Variants in KLHL32 observed in about 807,000 individuals in gnomAD.
KLHL32 encodes the protein kelch like family member 32.
A neutral mutation model predicts 64.8 loss-of-function variants in KLHL32; 35 were observed. The ratio of observed to expected loss-of-function variants is 0.54; its 90% CI spans 0.41 to 0.72. The LOEUF (loss-of-function observed/expected upper bound fraction) is 0.72. KLHL32 is among the 30% of genes least tolerant of loss of function. The pLI, the probability that KLHL32 is intolerant of heterozygous loss-of-function variation, is 0.00. For synonymous variants in KLHL32, 259 were observed against 281.0 expected (o/e 0.92, Z 0.78); for missense variants, 589 against 768.5 (o/e 0.77, Z 2.76).
intron 4 of KLHL32, among the ~76,000 whole-genome samples, chr6:97,060,531 G>GA (rs1434613483): frequency 2.0e-5 from 3 of 152,142 alleles, no homozygotes; most frequent in Non-Finnish European, 4.4e-5. Flanking sequence ...GCTCTATACA[G>GA]AATCTCACCT....
chr6:96,917,463 C>A, the KLHL32 span, among the ~76,000 whole-genome samples: 1 of 152,170 alleles, frequency 6.6e-6, no homozygotes, highest in Non-Finnish European at 1.5e-5. Context: ...GAGGTCCATG[C>A]CCCAATCTGT....
chr6:97,111,456 C>A (rs566690106), intron 6 of KLHL32, among the ~76,000 whole-genome samples: 1 of 152,302 alleles, frequency 6.6e-6, no homozygotes, highest in Admixed American at 6.5e-5. Flanking sequence ...GTAAACTTCA[C>A]TCACTCGAAC....
intron 6 of KLHL32, among the ~76,000 whole-genome samples, chr6:97,088,393 A>G (rs182397078): frequency 2.0e-5 from 3 of 152,276 alleles, no homozygotes; most frequent in Non-Finnish European, 4.4e-5. Flanking sequence ...GACCTGGCAA[A>G]TCTCTATCTG....
At chr6:96,952,960 CCAAT>C (rs1772812381) in intron 1 of KLHL32, among the ~76,000 whole-genome samples, 1 of 152,150 alleles carries the variant, frequency 6.6e-6, no homozygotes, top group Non-Finnish European at 1.5e-5. Flanking sequence ...GAGTTCATCC[CCAAT>C]CAATCAGCAG....
intron 3 of KLHL32, among the ~76,000 whole-genome samples, chr6:96,987,160 G>C (rs575137582): frequency 6.6e-6 from 1 of 152,196 alleles, no homozygotes; most frequent in East Asian, 1.9e-4. Flanking sequence ...CAAAAAACCA[G>C]CTCCTGGATT....
intron 1 of KLHL32, among the ~76,000 whole-genome samples, chr6:96,930,208 G>C (rs966248871): frequency 3.3e-5 from 5 of 152,138 alleles, no homozygotes; most frequent in African/African-American, 9.7e-5. Context: ...GAGGCATTTT[G>C]CAATTTTTTA....
chr6:96,926,744 A>C (rs1451381492), intron 1 of KLHL32, among the ~76,000 whole-genome samples: 1 of 152,040 alleles, frequency 6.6e-6, no homozygotes, highest in East Asian at 1.9e-4. Context: ...GGCAGCTCCC[A>C]CTCCACTGTA....
At chr6:97,031,949 T>TTA (rs55884935) in intron 3 of KLHL32, among the ~76,000 whole-genome samples, 26,615 of 152,078 alleles carry the variant, frequency 0.18, 2,754 homozygotes, top group African/African-American at 0.3. Context: ...AGTTTCTATA[T>TTA]AACATTTACT....
chr6:97,098,034 AAGAC>A (rs1216940011), intron 6 of KLHL32, among the ~76,000 whole-genome samples: 3 of 152,204 alleles, frequency 2.0e-5, no homozygotes, highest in African/African-American at 7.2e-5. Flanking sequence ...TTGAGGAAGG[AAGAC>A]AGAGATTTGT....
intron 3 of KLHL32, among the ~76,000 whole-genome samples, chr6:97,031,241 T>C (rs2128115638): frequency 6.6e-6 from 1 of 152,334 alleles, no homozygotes; most frequent in Non-Finnish European, 1.5e-5. Context: ...ATCTTTTAAA[T>C]GTATTATACC....
intron 3 of KLHL32, among the ~76,000 whole-genome samples, chr6:97,014,805 A>G (rs1454089951): frequency 6.6e-6 from 1 of 152,184 alleles, no homozygotes; most frequent in African/African-American, 2.4e-5. Flanking sequence ...TCCCAACCCC[A>G]TTCTCACCTG....
At chr6:97,025,485 A>C (rs1461455904) in intron 3 of KLHL32, among the ~76,000 whole-genome samples, 1 of 152,240 alleles carries the variant, frequency 6.6e-6, no homozygotes, top group African/African-American at 2.4e-5. Context: ...ACTTCATGTG[A>C]AATTCCAGTA....
intron 6 of KLHL32, among the ~76,000 whole-genome samples, chr6:97,108,604 A>C (rs1432569837): frequency 6.6e-6 from 1 of 152,238 alleles, no homozygotes; most frequent in Non-Finnish European, 1.5e-5. Context: ...ATTTATTTGA[A>C]TAAACAAGAG....
intron 7 of KLHL32, among the ~76,000 whole-genome samples, chr6:97,116,373 A>C (rs534941546): frequency 6.9e-4 from 105 of 152,286 alleles, no homozygotes; most frequent in African/African-American, 2.5e-3. Flanking sequence ...CTAGGCAGCA[A>C]ATAAGTCTTT....
intron 3 of KLHL32, among the ~76,000 whole-genome samples, chr6:97,015,825 G>A (rs773547336): frequency 4.6e-5 from 7 of 152,266 alleles, no homozygotes; most frequent in Non-Finnish European, 8.8e-5. Context: ...AGGAAAATAT[G>A]GTTTCATGGG....
chr6:97,107,225 G>A (rs146304108), intron 6 of KLHL32, among the ~76,000 whole-genome samples: 2,835 of 151,840 alleles, frequency 0.019, 83 homozygotes, highest in African/African-American at 0.066. Context: ...TCCAGGAGGC[G>A]GAGCTTGCAG....
At chr6:97,113,753 C>T (rs1013222588) in intron 6 of KLHL32, 30 bp from the exon 7 acceptor site, 12 of 1,596,150 alleles carry the variant, frequency 7.5e-6, no homozygotes, top group Non-Finnish European at 1.0e-5. Context: ...ACCTTTGTGT[C>T]TCCTCTCATC....
intron 6 of KLHL32, among the ~76,000 whole-genome samples, chr6:97,094,354 A>G (rs762762435): frequency 2.6e-5 from 4 of 152,200 alleles, no homozygotes; most frequent in Admixed American, 6.5e-5. Flanking sequence ...CTCAACATTT[A>G]TTGTTGAATA....
chr6:96,943,402 C>A (rs1309092198), intron 1 of KLHL32, among the ~76,000 whole-genome samples: 4 of 150,668 alleles, frequency 2.7e-5, no homozygotes, highest in Non-Finnish European at 4.4e-5. Context: ...AAAAAAAAAA[C>A]CTTATACTGT....
Sources: gnomAD v4.1 joint callset for allele counts (sites outside exome capture counted in the v4.1 genomes callset) on GRCh38, gnomAD v4.1.1 for gene constraint, MANE v1.5 for transcripts, NCBI Gene and HGNC (gene_info 2026-07-23, HGNC 2026-07-21) for gene names.